Variants in CDKL4 observed in about 807,000 individuals in gnomAD.
CDKL4 encodes cyclin dependent kinase like 4.
CDKL4 carries 44 observed loss-of-function variants against 42.0 expected under a neutral mutation model. That is an observed-to-expected ratio of 1.05 (90% CI 0.82 to 1.35). The LOEUF (loss-of-function observed/expected upper bound fraction) is 1.35, where lower values mean the gene tolerates loss of function less well. Ranked by LOEUF, CDKL4 falls within the 40% of genes most tolerant of loss-of-function variation. CDKL4 has a pLI of 0.00. For missense variants in CDKL4, 393 were observed against 369.9 expected (o/e 1.06, Z -0.51); for synonymous variants, 120 against 121.6 (o/e 0.99, Z 0.09).
intron 2 of CDKL4, among the ~76,000 whole-genome samples, chr2:39,227,786 A>C (rs1181647092): frequency 6.6e-6 from 1 of 152,228 alleles, no homozygotes. Flanking sequence ...GTCAAGGTTA[A>C]ACCTGGTCCA....
intron 1 of CDKL4, among the ~76,000 whole-genome samples, chr2:39,231,219 AAAAC>A (rs144520887): frequency 0.78 from 118,233 of 151,182 alleles, 48,381 homozygotes; most frequent in Non-Finnish European, 0.91. Context: ...CTCAAAAACA[AAAAC>A]AAACAAACAA....
At chr2:39,173,897 TGCTTGA>T (rs1337191344), downstream of CDKL4, among the ~76,000 whole-genome samples, 1 of 151,304 alleles carries the variant, frequency 6.6e-6, no homozygotes, top group African/African-American at 2.4e-5. Flanking sequence ...GCAGGAGGAT[TGCTTGA>T]GCCCAGGAGG....
chr2:39,191,709 A>G (rs1443990807), intron 5 of CDKL4, among the ~76,000 whole-genome samples: 1 of 152,242 alleles, frequency 6.6e-6, no homozygotes, highest in African/African-American at 2.4e-5. Flanking sequence ...CAGATGACAG[A>G]GAGCTAGGTG....
At chr2:39,203,977 T>C (rs544160263) in intron 5 of CDKL4, among the ~76,000 whole-genome samples, 1 of 152,326 alleles carries the variant, frequency 6.6e-6, no homozygotes, top group South Asian at 2.1e-4. Flanking sequence ...TACATATATT[T>C]GTCTGCTGTA....
Position 39,193,518 on chromosome 2 carries a change from G to C in CDKL4, c.455-3016C>G, listed in dbSNP as rs995033397. ...AGCCTCCCAAGTAGCTGGGATTACAGACATGCGCCAACATGCCCGGCTAAT... is the reference window on the plus strand; with the variant it reads ...AGCCTCCCAAGTAGCTGGGATTACACACATGCGCCAACATGCCCGGCTAAT... On this transcript the variant is annotated intron_variant, in intron 5 of 9. Transcript: ENST00000451199. Among the ~76,000 whole-genome samples the C allele has an allele frequency of 3.9e-5, 6 of 152,016 alleles. No individual in the cohort carries two copies. In the East Asian group the frequency reaches 1.2e-3, roughly 30 times the overall value.
chr2:39,218,449 T>C (rs1018059298), intron 3 of CDKL4, among the ~76,000 whole-genome samples: 3 of 152,126 alleles, frequency 2.0e-5, no homozygotes, highest in Non-Finnish European at 4.4e-5. Context: ...CAGTGAGCCA[T>C]GTTCAGGCCA....
Position 39,225,944 on chromosome 2 carries a change from T to C in CDKL4, c.185A>G (p.Asn62Ser). 3.1e-6 allele frequency: 5 copies of C among 1,610,014 alleles called. No individual in the cohort carries two copies. Among genetic ancestry groups the C allele is most frequent in the Non-Finnish European group, 3.4e-6 (4 of 1,178,590 alleles). Residue 62 changes from asparagine to serine, a missense_variant, in exon 3 of 10, where the codon AAT (asparagine) becomes AGT (serine). Transcript: ENST00000451199. ...GAACACCTCGATGAGGTTCACAAGA[T>C]TTGGATGTTTTAATTGCTGTGAAAG...
chr2:39,177,478 C>G (rs1365162499), intron 9 of CDKL4, among the ~76,000 whole-genome samples: 2 of 150,512 alleles, frequency 1.3e-5, no homozygotes, highest in Non-Finnish European at 3.0e-5. Context: ...GATCTCGGCT[C>G]ACTGCAACCT....
At chr2:39,244,824 T>A (rs1382258348), upstream of CDKL4, among the ~76,000 whole-genome samples, 3 of 152,036 alleles carry the variant, frequency 2.0e-5, no homozygotes, top group Non-Finnish European at 4.4e-5. Flanking sequence ...TAACTCAAGG[T>A]TTGTAAACAC....
At chr2:39,244,608 C>T (rs1181820572), upstream of CDKL4, among the ~76,000 whole-genome samples, 2 of 152,212 alleles carry the variant, frequency 1.3e-5, no homozygotes, top group South Asian at 2.1e-4. Flanking sequence ...GAGTGCCACC[C>T]CCTGCTCCAC....
At chr2:39,216,343 G>A (rs1016270453) in intron 3 of CDKL4, among the ~76,000 whole-genome samples, 21 of 152,128 alleles carry the variant, frequency 1.4e-4, no homozygotes, top group African/African-American at 4.6e-4. Flanking sequence ...CTGGAGGTGT[G>A]GGGAAAGCAG....
chr2:39,234,914 G>T (rs1433979397), intron 1 of CDKL4, among the ~76,000 whole-genome samples: 1 of 151,202 alleles, frequency 6.6e-6, no homozygotes, highest in Non-Finnish European at 1.5e-5. Context: ...TTTGAGACAG[G>T]TTCTTGCTCT....
At chr2:39,171,310 G>T (rs1674993946), downstream of CDKL4, among the ~76,000 whole-genome samples, 1 of 151,330 alleles carries the variant, frequency 6.6e-6, no homozygotes, top group South Asian at 2.1e-4. Flanking sequence ...ATGAAGAACT[G>T]TGATACACCT....
intron 1 of CDKL4, among the ~76,000 whole-genome samples, chr2:39,238,194 G>T (rs994466019): frequency 1.1e-4 from 17 of 152,194 alleles, no homozygotes; most frequent in African/African-American, 4.1e-4. Context: ...TCTTTGGGAG[G>T]CTGAGGCAGA....
chr2:39,187,196 C>G (rs1260903025), intron 7 of CDKL4, among the ~76,000 whole-genome samples: 1 of 152,120 alleles, frequency 6.6e-6, no homozygotes, highest in African/African-American at 2.4e-5. Context: ...GAAGAAGGTG[C>G]CTGCTTCCCC....
intron 5 of CDKL4, among the ~76,000 whole-genome samples, chr2:39,191,921 GTAA>G (rs1163857092): frequency 6.6e-6 from 1 of 152,210 alleles, no homozygotes; most frequent in East Asian, 1.9e-4. Context: ...ATTCTCCTTA[GTAA>G]AGTCGTCAGG....
At chr2:39,203,406 A>G (rs1676973695) in intron 5 of CDKL4, among the ~76,000 whole-genome samples, 1 of 151,550 alleles carries the variant, frequency 6.6e-6, no homozygotes, top group Non-Finnish European at 1.5e-5. Context: ...TTTTTCACTT[A>G]TTTTTGTGAC....
At chr2:39,228,233 G>C (rs1678877754) in intron 2 of CDKL4, among the ~76,000 whole-genome samples, 1 of 152,204 alleles carries the variant, frequency 6.6e-6, no homozygotes, top group Admixed American at 6.5e-5. Context: ...CCGCCCTGCA[G>C]CTTAGCTCAG....
chr2:39,185,758 G>C (rs1675796932), intron 7 of CDKL4, among the ~76,000 whole-genome samples: 1 of 151,918 alleles, frequency 6.6e-6, no homozygotes, highest in Admixed American at 6.6e-5. Flanking sequence ...ACCGCGCCTG[G>C]CTTTAAATAT....
Sources: gnomAD v4.1 joint callset for allele counts (sites outside exome capture counted in the v4.1 genomes callset) on GRCh38, gnomAD v4.1.1 for gene constraint, MANE v1.5 for transcripts, NCBI Gene and HGNC (gene_info 2026-07-23, HGNC 2026-07-21) for gene names.